The following DIAPH2 variants were observed in gnomAD, a reference collection of about 807,000 sequenced individuals.
DIAPH2 encodes the protein protein diaphanous homolog 2.
In DIAPH2, 35 loss-of-function variants were observed where a neutral mutation model predicts 92.7. The observed-to-expected ratio is 0.38, with a 90% CI of 0.29 to 0.50. The LOEUF (loss-of-function observed/expected upper bound fraction) is 0.50, where lower values mean the gene tolerates loss of function less well. Among genes scored for constraint, DIAPH2 ranks in the 20% least tolerant of loss-of-function variants. DIAPH2 has a pLI of 0.94. For missense variants in DIAPH2, 701 were observed against 819.5 expected (o/e 0.86, Z 1.77); for synonymous variants, 301 against 280.4 (o/e 1.07, Z -0.73).
intron 4 of DIAPH2, among the ~76,000 whole-genome samples, chrX:96,785,031 T>G (rs2147629876): frequency 8.9e-6 from 1 of 112,003 alleles, no homozygotes; most frequent in Non-Finnish European, 1.9e-5. Flanking sequence ...ATGACAAAAA[T>G]AGTATTTATT....
At chrX:97,533,529 T>G (rs1245515547) in intron 26 of DIAPH2, 1 of 111,286 alleles carries the variant, frequency 9.0e-6, no homozygotes, top group Non-Finnish European at 1.9e-5. Context: ...CTGTCCTAAC[T>G]ACTAGATAAG....
At chrX:96,952,009 TC>T (rs2147812176) in intron 15 of DIAPH2, among the ~76,000 whole-genome samples, 1 of 111,821 alleles carries the variant, frequency 8.9e-6, no homozygotes, top group East Asian at 2.8e-4. Context: ...ATTTTGCCTT[TC>T]GAAGTATGAA....
intron 24 of DIAPH2, among the ~76,000 whole-genome samples, chrX:97,370,484 A>G (rs1454379056): frequency 8.9e-6 from 1 of 112,226 alleles, no homozygotes; most frequent in East Asian, 2.8e-4. Context: ...CTAACCATGA[A>G]TTAGCAGTAT....
chrX:96,959,744 T>C (rs1300567289), intron 16 of DIAPH2, among the ~76,000 whole-genome samples: 1 of 111,832 alleles, frequency 8.9e-6, no homozygotes, highest in African/African-American at 3.2e-5. Flanking sequence ...AGTTTTATAG[T>C]CTCAGGTCTT....
rs188242392 is a variant in DIAPH2 at position 96,911,033 on chromosome X, G to A, written c.588-1295G>A. Among the ~76,000 whole-genome samples the A allele has an allele frequency of 4.2e-4, 47 of 111,573 alleles. No homozygotes were observed. In the East Asian group the frequency reaches 0.01, roughly 24 times the overall value. ...AGAATAAATGAGCTAACATGAGGAAGTGCAAGGTGGGCTCCAGCAATGATA... is the reference window on the plus strand; with the variant it reads ...AGAATAAATGAGCTAACATGAGGAAATGCAAGGTGGGCTCCAGCAATGATA... On this transcript the variant is annotated intron_variant, in intron 5 of 26. Coordinates refer to ENST00000324765, the MANE Select transcript of DIAPH2 (RefSeq NM_006729.5).
chrX:97,221,785 A>T (rs1199104601), intron 22 of DIAPH2, among the ~76,000 whole-genome samples: 3 of 110,597 alleles, frequency 2.7e-5, no homozygotes, highest in Non-Finnish European at 5.7e-5. Context: ...TTCCTCCAAA[A>T]TTTTTTGTTC....
At chrX:96,998,421 A>G (rs954362527) in intron 17 of DIAPH2, among the ~76,000 whole-genome samples, 63 of 111,479 alleles carry the variant, frequency 5.7e-4, no homozygotes, top group African/African-American at 2.0e-3. Flanking sequence ...TTTTCTTTCT[A>G]TAAGAAAAAA....
chrX:97,106,863 C>T (rs929306742), intron 20 of DIAPH2, among the ~76,000 whole-genome samples: 2 of 111,973 alleles, frequency 1.8e-5, no homozygotes, highest in African/African-American at 6.5e-5. Context: ...ACGTGAGAGG[C>T]GGAGGGTGCA....
chrX:97,277,317 G>A (rs1020017298), intron 23 of DIAPH2, among the ~76,000 whole-genome samples: 5 of 110,864 alleles, frequency 4.5e-5, no homozygotes, highest in South Asian at 3.8e-4. Context: ...CAGCCTGGGC[G>A]ACAGAGTGAA....
At chrX:96,870,135 T>A (rs958279581) in intron 4 of DIAPH2, among the ~76,000 whole-genome samples, 2 of 111,904 alleles carry the variant, frequency 1.8e-5, no homozygotes, top group African/African-American at 6.5e-5. Flanking sequence ...TCTCCGTGAC[T>A]CAGTTTTCAC....
At chrX:96,966,059 G>A in intron 17 of DIAPH2, among the ~76,000 whole-genome samples, 1 of 111,259 alleles carries the variant, frequency 9.0e-6, no homozygotes, top group Non-Finnish European at 1.9e-5. Flanking sequence ...TAGAATATGA[G>A]AATATAAATT....
At chrX:97,380,659 G>A (rs2069543424) in intron 24 of DIAPH2, among the ~76,000 whole-genome samples, 1 of 103,255 alleles carries the variant, frequency 9.7e-6, no homozygotes, top group South Asian at 3.8e-4. Flanking sequence ...ATATGAAACT[G>A]TCTTTAAGAT....
intron 3 of DIAPH2, 87 bp from the exon 4 acceptor site, chrX:96,758,067 C>A: frequency 1.3e-6 from 1 of 795,367 alleles, no homozygotes; most frequent in Non-Finnish European, 1.7e-6. Context: ...TATTTTAAGA[C>A]ATAGAAATTA....
At chrX:97,138,776 A>G (rs1382776094) in intron 21 of DIAPH2, among the ~76,000 whole-genome samples, 1 of 111,657 alleles carries the variant, frequency 9.0e-6, no homozygotes, top group Non-Finnish European at 1.9e-5. Flanking sequence ...GCATCTTATA[A>G]AAATAAGTCA....
intron 17 of DIAPH2, among the ~76,000 whole-genome samples, chrX:97,018,560 T>C (rs1443243769): frequency 8.9e-6 from 1 of 112,166 alleles, no homozygotes; most frequent in Non-Finnish European, 1.9e-5. Context: ...ACCCATGAGC[T>C]TAATTAGCCA....
chrX:96,775,949 C>T (rs988999839), intron 4 of DIAPH2, among the ~76,000 whole-genome samples: 3 of 111,775 alleles, frequency 2.7e-5, no homozygotes, highest in Non-Finnish European at 5.6e-5. Flanking sequence ...ATCACAACTA[C>T]TGCCACCTTT....
At chrX:97,189,837 G>A (rs906812513) in intron 22 of DIAPH2, among the ~76,000 whole-genome samples, 3 of 112,727 alleles carry the variant, frequency 2.7e-5, no homozygotes, top group African/African-American at 6.4e-5. Flanking sequence ...AACTAGGCAG[G>A]TATGATGATT....
intron 22 of DIAPH2, among the ~76,000 whole-genome samples, chrX:97,204,075 A>G (rs1183723430): frequency 8.9e-6 from 1 of 112,260 alleles, no homozygotes; most frequent in Non-Finnish European, 1.9e-5. Flanking sequence ...CAAAAGCCAC[A>G]TGATCATCTC....
intron 17 of DIAPH2, among the ~76,000 whole-genome samples, chrX:97,035,203 T>G (rs2066402110): frequency 9.0e-6 from 1 of 111,492 alleles, no homozygotes; most frequent in Admixed American, 9.5e-5. Context: ...GGAAAGAGAT[T>G]ACGTGTACAG....
Sources: allele counts gnomAD v4.1 joint callset (sites outside exome capture counted in the v4.1 genomes callset), GRCh38; gene constraint gnomAD v4.1.1; transcripts MANE v1.5; gene names NCBI Gene and HGNC (gene_info 2026-07-23, HGNC 2026-07-21).